ZFHX2: variants seen among roughly 807,000 people sequenced by gnomAD.
ZFHX2 encodes zinc finger homeobox 2.
Under a neutral mutation model 164.8 loss-of-function variants are expected in ZFHX2, and 75 were observed. The ratio of observed to expected loss-of-function variants is 0.46; its 90% CI spans 0.38 to 0.55. ZFHX2 has a LOEUF of 0.55. ZFHX2 is among the 20% of genes least tolerant of loss of function. The pLI is 0.00. For missense variants in ZFHX2, 2,933 were observed against 3,308.0 expected, an observed-to-expected ratio of 0.89 and a Z score of 2.78; for synonymous variants, 1,217 against 1,351.4, an observed-to-expected ratio of 0.90 and a Z score of 2.18.
intron 1 of ZFHX2, among the ~76,000 whole-genome samples, chr14:23,549,818 A>G (rs1015279107): frequency 1.3e-5 from 2 of 152,092 alleles, no homozygotes; most frequent in Admixed American, 6.5e-5. Context: ...CACAAACCAT[A>G]CCCCACACCT....
At chr14:23,529,826 G>A (rs1169903052) in intron 5 of ZFHX2, 58 bp from the exon 6 acceptor site, 3 of 1,493,202 alleles carry the variant, frequency 2.0e-6, no homozygotes, top group Non-Finnish European at 2.7e-6. Flanking sequence ...ATGATTTGTA[G>A]CAGAGAGCTT....
At chr14:23,538,870 AGAG>A (rs1168923269) in intron 1 of ZFHX2, among the ~76,000 whole-genome samples, 5 of 152,064 alleles carry the variant, frequency 3.3e-5, no homozygotes, top group African/African-American at 9.7e-5. Context: ...CTGTGATTAG[AGAG>A]GAGATTGATG....
intron 3 of ZFHX2, 67 bp from the exon 4 acceptor site, chr14:23,531,788 T>A: frequency 7.9e-7 from 1 of 1,269,478 alleles, no homozygotes; most frequent in Non-Finnish European, 9.9e-7. Flanking sequence ...GGACTTTTTT[T>A]TTTTTTCTAG....
Position 23,522,531 on chromosome 14 carries a change from T to C in ZFHX2, c.7150A>G (p.Met2384Val). ...AGGGTCTGAGGTATCATGGGGTTCA[T>C]GGGAAATAGCCCCTTCTTCATGCCA... ...LYGMKKGLFP[M>V]NPMIPQTLIG... is the part of the protein sequence containing the mutation. Residue 2384 changes from methionine to valine, a missense_variant, in exon 10 of 10, where the codon ATG (methionine) becomes GTG (valine). Coordinates refer to ENST00000419474, the MANE Select transcript of ZFHX2 (RefSeq NM_033400.3). The C allele has an allele frequency of 6.5e-7, 1 of 1,528,214 alleles. No individual in the cohort carries two copies. Among genetic ancestry groups the C allele is most frequent in the South Asian group, 1.2e-5 (1 of 83,522 alleles). The allele number at this position is 1,528,214 out of a possible 1,614,324, so 94.7% of individuals were successfully genotyped here.
upstream of ZFHX2, among the ~76,000 whole-genome samples, chr14:23,553,001 C>T (rs1039697630): frequency 2.0e-5 from 3 of 152,186 alleles, no homozygotes; most frequent in Non-Finnish European, 4.4e-5. Context: ...ATACCTCAAG[C>T]ATGAGGTAGA....
rs574390554 is a variant in ZFHX2, at chr14:23,523,336, C to G, written c.6606G>C (p.Lys2202Asn). ...AGGCAGGTGTGGTGGCAGGTGGGGC[C>G]TTGAGAGCTGGGGGAGCCTCAGGTG... Reference protein sequence around the residue: ...APAPEAPPALKAPPATTPASM... With the variant: ...APAPEAPPALNAPPATTPASM... Residue 2202 changes from lysine to asparagine, a missense_variant, in exon 9 of 10, where the codon AAG becomes AAC. Coordinates refer to ENST00000419474, the MANE Select transcript of ZFHX2 (RefSeq NM_033400.3). The surrounding 1 kb of genome is among the most constrained non-coding windows in gnomAD (Gnocchi z 4.1). 3.2e-5 allele frequency: 47 copies of G among 1,461,942 alleles called. No individual in the cohort carries two copies. The East Asian group carries it at 1.1e-3, about 34-fold the overall frequency. 90.6% of individuals were successfully genotyped at this position (1,461,942 alleles called of 1,614,324 possible). A position where few individuals can be genotyped will look rare whatever the true frequency, so the allele number is the denominator to read the frequency against.
At chr14:23,532,522 C>T in intron 3 of ZFHX2, 45 bp downstream of exon 3, 1 of 1,425,360 alleles carries the variant, frequency 7.0e-7, no homozygotes, top group Non-Finnish European at 9.1e-7. Flanking sequence ...CCTCTGTCCC[C>T]ATTCCCTTCT....
chr14:23,554,312 C>T (rs755646641), upstream of ZFHX2, among the ~76,000 whole-genome samples: 5 of 152,168 alleles, frequency 3.3e-5, no homozygotes, highest in African/African-American at 4.8e-5. Context: ...CTCTCCCTAA[C>T]CAACAGTGCT....
chr14:23,536,200 T>C (rs1473260549), intron 1 of ZFHX2, among the ~76,000 whole-genome samples: 1 of 152,160 alleles, frequency 6.6e-6, no homozygotes, highest in Admixed American at 6.5e-5. Flanking sequence ...CCCGCTACAG[T>C]GTATTTTCTC....
Position 23,531,460 on chromosome 14 carries a change from CTCCAGT to C in ZFHX2, c.2800+15_2800+20del. 2 of 1,389,116 alleles carry C rather than the reference CTCCAGT, an allele frequency of 1.4e-6. No individual in the cohort carries two copies. The highest frequency in any genetic ancestry group is 2.9e-5 in the African/African-American group (2 of 68,742). The allele number at this position is 1,389,116 out of a possible 1,614,324, so 86.0% of individuals were successfully genotyped here. On this transcript the variant is annotated intron_variant, in intron 4 of 9. Transcript: ENST00000419474. The stretch of plus-strand genomic sequence containing the variant: ...CTGCCCTCCCTGCCCAGCTCTTATT[CTCCAGT>C]CCCTTCTTCCTCACCGGGAGTCCGG...
rs917142066 is a variant in ZFHX2, at chr14:23,526,832, T to C, written c.3262+15A>G. The C allele has an allele frequency of 2.5e-5, 38 of 1,524,950 alleles. No homozygotes were observed. The highest frequency in any genetic ancestry group is 3.1e-5 in the Non-Finnish European group (35 of 1,141,600). 94.5% of individuals were successfully genotyped at this position (1,524,950 alleles called of 1,614,324 possible). On this transcript the variant is annotated intron_variant, in intron 8 of 9. Transcript: ENST00000419474. ...TTTCCTGGTACCTTGGGAGGTTTGC[T>C]GTTCCATTCCTTACCTGCTGCCTGG...
chr14:23,549,264 A>G (rs1445703378), intron 1 of ZFHX2, among the ~76,000 whole-genome samples: 1 of 151,788 alleles, frequency 6.6e-6, no homozygotes. Flanking sequence ...CTTCCTTTGC[A>G]CATCCCTCAC....
chr14:23,535,082 A>C lies in ZFHX2; in HGVS notation c.244T>G (p.Cys82Gly). 2 of 1,536,204 alleles carry C rather than the reference A, an allele frequency of 1.3e-6. No homozygotes were observed. Among genetic ancestry groups the C allele is most frequent in the Non-Finnish European group, 1.7e-6 (2 of 1,146,896 alleles). ...EIGEPQEGPDCGHFPPNDPGV... is the reference protein window; with the variant it reads ...EIGEPQEGPDGGHFPPNDPGV... Reference sequence around the variant, plus strand: ...GGGTCATTTGGTGGGAAGTGACCACAGTCAGGCCCTTCCTGGGGCTCCCCA... The same window carrying C: ...GGGTCATTTGGTGGGAAGTGACCACCGTCAGGCCCTTCCTGGGGCTCCCCA... Residue 82 changes from cysteine to glycine, a missense_variant, in exon 2 of 10, where the codon TGT becomes GGT. Transcript: ENST00000419474. This position sits in a 1 kb window ranked among gnomAD's most constrained non-coding sequence, Gnocchi z 4.5.
chr14:23,538,122 GAC>G (rs2138826882), intron 1 of ZFHX2: 1 of 152,362 alleles, frequency 6.6e-6, no homozygotes, highest in Non-Finnish European at 1.5e-5. Context: ...ACTGGAAAAA[GAC>G]ATAGCTGATT....
Position 23,526,470 on chromosome 14 carries a change from G to T in ZFHX2, c.3472C>A (p.Arg1158Ser). 6.5e-7 allele frequency: 1 copy of T among 1,536,150 alleles called. No homozygotes were observed. The highest frequency in any genetic ancestry group is 8.7e-7 in the Non-Finnish European group (1 of 1,146,902). The change falls in exon 9 of 10, where the codon CGC (arginine) becomes AGC (serine). Residue 1158 changes from arginine (R) to serine (S), a missense_variant. By Grantham distance (110) the Arg-to-Ser change is moderately radical. Coordinates refer to ENST00000419474, the MANE Select transcript of ZFHX2 (RefSeq NM_033400.3). Reference sequence around the variant, plus strand: ...TCAGCTGGAGCTGGCTCTGCAGAGCGGAGCTCCCCAGTGGTCCCCTCTTCC... The same window carrying T: ...TCAGCTGGAGCTGGCTCTGCAGAGCTGAGCTCCCCAGTGGTCCCCTCTTCC... Reference protein sequence around the residue: ...EEEEGTTGELRSAEPAPADSR... With the variant: ...EEEEGTTGELSSAEPAPADSR...
chr14:23,541,184 G>T (rs1249556356), intron 1 of ZFHX2, among the ~76,000 whole-genome samples: 1 of 151,942 alleles, frequency 6.6e-6, no homozygotes, highest in East Asian at 1.9e-4. Flanking sequence ...GGGATTACAG[G>T]TGTGAGCCAC....
upstream of ZFHX2, among the ~76,000 whole-genome samples, chr14:23,554,038 CAAAAAAAAAAA>C (rs61363455): frequency 2.8e-4 from 10 of 36,042 alleles, no homozygotes; most frequent in Non-Finnish European, 4.2e-4. Flanking sequence ...GACTCTGTCT[CAAAAAAAAAAA>C]AAAAAAAAAA....
chr14:23,530,127 T>A lies in ZFHX2; in HGVS notation c.2868A>T (p.Glu956Asp). ...TPEKDAQNKT[E>D]QLASEETENK... ...AAGGGAGGGAAAACTCACCCAATTG[T>A]TCTGTCTTGTTCTGGGCATCTTTCT... The change falls in exon 5 of 10, where the codon GAA (glutamate) becomes GAT (aspartate). Residue 956 changes from glutamate to aspartate, a missense_variant. Coordinates refer to ENST00000419474, the MANE Select transcript of ZFHX2 (RefSeq NM_033400.3). 1 of 1,536,104 alleles carries A rather than the reference T, an allele frequency of 6.5e-7. No homozygotes were observed. Among genetic ancestry groups the A allele is most frequent in the African/African-American group, 1.4e-5 (1 of 73,116 alleles).
rs953640944 is a variant in ZFHX2, at chr14:23,535,626, CTT to C, written c.-49-254_-49-253del. Among the ~76,000 whole-genome samples, 30 of 151,646 alleles carry C rather than the reference CTT, an allele frequency of 2.0e-4. No homozygotes were observed. The highest frequency in any genetic ancestry group is 7.3e-4 in the African/African-American group (30 of 41,244). On this transcript the variant is annotated intron_variant, in intron 1 of 9. Coordinates refer to ENST00000419474, the MANE Select transcript of ZFHX2 (RefSeq NM_033400.3). This position sits in a 1 kb window ranked among gnomAD's most constrained non-coding sequence, Gnocchi z 4.5. ...TTTTTTTTTGAGATGGAGTTTTGCT[CTT>C]GTTGCCCAGGATGGAGTGCAATGGC... is the stretch of plus-strand genomic sequence containing the variant.
Sources: allele counts gnomAD v4.1 joint callset (sites outside exome capture counted in the v4.1 genomes callset), GRCh38; gene constraint gnomAD v4.1.1; non-coding constraint Gnocchi (gnomAD v3.1); transcripts MANE v1.5; gene names NCBI Gene and HGNC (gene_info 2026-07-23, HGNC 2026-07-21).